The following PLCL2 variants were observed in gnomAD, a reference collection of about 807,000 sequenced individuals.
PLCL2 encodes phospholipase C like 2.
PLCL2 carries 4 observed loss-of-function variants against 79.6 expected under a neutral mutation model. The observed-to-expected ratio is 0.05, with a 90% CI of 0.02 to 0.11. The LOEUF is 0.11. Ranked by LOEUF, PLCL2 falls within the 10% of genes least tolerant of loss-of-function variation. The pLI, the probability that PLCL2 is intolerant of heterozygous loss-of-function variation, is 1.00. For missense variants in PLCL2, 895 were observed against 1,291.0 expected, an observed-to-expected ratio of 0.69 and a Z score of 4.70; for synonymous variants, 484 against 457.7, an observed-to-expected ratio of 1.06 and a Z score of -0.73.
At chr3:16,986,992 G>C (rs1293190688) in intron 1 of PLCL2, among the ~76,000 whole-genome samples, 1 of 151,656 alleles carries the variant, frequency 6.6e-6, no homozygotes, top group East Asian at 1.9e-4. Flanking sequence ...GTATTTTTAA[G>C]AGGAACTAGA....
At chr3:16,971,958 G>A (rs1001723424) in intron 1 of PLCL2, among the ~76,000 whole-genome samples, 1 of 152,020 alleles carries the variant, frequency 6.6e-6, no homozygotes, top group Non-Finnish European at 1.5e-5. Context: ...ATGCAGAAAA[G>A]GCCTTTGACA....
chr3:17,054,686 C>G (rs760880806), intron 4 of PLCL2, among the ~76,000 whole-genome samples: 2 of 152,074 alleles, frequency 1.3e-5, no homozygotes, highest in Non-Finnish European at 2.9e-5. Flanking sequence ...GAGAATGCTA[C>G]CCCCATGATC....
chr3:16,954,044 A>G (rs919767918), intron 1 of PLCL2, among the ~76,000 whole-genome samples: 1 of 152,088 alleles, frequency 6.6e-6, no homozygotes, highest in African/African-American at 2.4e-5. Context: ...TTATTATTAT[A>G]CTTTAAGTTT....
intron 3 of PLCL2, among the ~76,000 whole-genome samples, chr3:17,040,523 G>C (rs958114760): frequency 1.1e-4 from 17 of 152,194 alleles, no homozygotes; most frequent in African/African-American, 3.9e-4. Context: ...GCTAATTTGG[G>C]GCTACCAGAA....
rs532804618 is a variant in PLCL2, at chr3:17,000,137, T to G, written c.328-9537T>G. Among the ~76,000 whole-genome samples the G allele has an allele frequency of 1.1e-3, 163 of 152,138 alleles. 1 individual carries two copies. The highest frequency in any genetic ancestry group is 2.0e-3 in the Non-Finnish European group (138 of 68,016). On this transcript the variant is annotated intron_variant, in intron 1 of 5. Coordinates refer to ENST00000615277, the MANE Select transcript of PLCL2 (RefSeq NM_001144382.2). ...ACTAACATCTAAGTTAGAGATGCCT[T>G]TGTCTTTGAAAGCACAGGTGAATTT... is the stretch of plus-strand genomic sequence containing the variant.
chr3:16,996,254 G>A lies in PLCL2; in HGVS notation c.328-13420G>A, dbSNP rs183244416. Among the ~76,000 whole-genome samples the A allele has an allele frequency of 3.9e-5, 6 of 152,246 alleles. No homozygotes were observed. The East Asian group carries it at 1.2e-3, about 29-fold the overall frequency. ...AGCCATTGTTGCAGGAATGGTTATA[G>A]TGAGAGGAGTGGGCTGCGACTCAGG... On this transcript the variant is annotated intron_variant, in intron 1 of 5. Coordinates refer to ENST00000615277, the MANE Select transcript of PLCL2 (RefSeq NM_001144382.2).
chr3:16,922,909 A>G (rs1025725409), intron 1 of PLCL2, among the ~76,000 whole-genome samples: 9 of 152,152 alleles, frequency 5.9e-5, no homozygotes, highest in Non-Finnish European at 1.3e-4. Flanking sequence ...AATAGTGCAT[A>G]TGAAACCTTG....
chr3:16,954,178 C>T (rs1485021461), intron 1 of PLCL2, among the ~76,000 whole-genome samples: 1 of 152,056 alleles, frequency 6.6e-6, no homozygotes, highest in East Asian at 1.9e-4. Flanking sequence ...CCTCCCCGCT[C>T]CCCCCAGCCC....
At chr3:16,915,693 C>T (rs1242225383) in intron 1 of PLCL2, among the ~76,000 whole-genome samples, 1 of 152,100 alleles carries the variant, frequency 6.6e-6, no homozygotes, top group African/African-American at 2.4e-5. Flanking sequence ...GTTTTTCCTT[C>T]CAAATTCATC....
At chr3:16,986,851 G>A (rs1369138746) in intron 1 of PLCL2, among the ~76,000 whole-genome samples, 1 of 152,086 alleles carries the variant, frequency 6.6e-6, no homozygotes, top group Non-Finnish European at 1.5e-5. Context: ...ACGATAGCCC[G>A]TCAAGTGTAC....
At chr3:16,997,988 T>C (rs2064171031) in intron 1 of PLCL2, among the ~76,000 whole-genome samples, 1 of 152,184 alleles carries the variant, frequency 6.6e-6, no homozygotes, top group Admixed American at 6.5e-5. Context: ...TTTAAAATAA[T>C]TATGGAATTA....
chr3:16,928,146 C>G (rs1417336855), intron 1 of PLCL2, among the ~76,000 whole-genome samples: 1 of 152,166 alleles, frequency 6.6e-6, no homozygotes, highest in Non-Finnish European at 1.5e-5. Context: ...ATGTTAGGCA[C>G]TGGGGAGGCA....
intron 1 of PLCL2, among the ~76,000 whole-genome samples, chr3:16,947,931 C>G (rs1012680715): frequency 6.6e-6 from 1 of 152,120 alleles, no homozygotes; most frequent in Non-Finnish European, 1.5e-5. Context: ...TATAAAATAG[C>G]TCATTTGATT....
Position 16,885,279 on chromosome 3 carries a change from G to T in PLCL2, c.240G>T (p.Ala80=). The T allele has an allele frequency of 1.5e-6, 1 of 661,170 alleles. No individual in the cohort carries two copies. Among genetic ancestry groups the T allele is most frequent in the Non-Finnish European group, 2.7e-6 (1 of 365,794 alleles). The allele number at this position is 661,170 out of a possible 1,614,324, so 41.0% of individuals were successfully genotyped here. Residue 80 remains alanine, a synonymous_variant, in exon 1 of 6, where the codon GCG becomes GCT. Coordinates refer to ENST00000615277, the MANE Select transcript of PLCL2 (RefSeq NM_001144382.2). ...ASPTRGPRGV[A]LAPTPSAVVC... The stretch of plus-strand genomic sequence containing the variant: ...CTACCAGGGGACCCCGCGGCGTTGC[G>T]CTCGCCCCGACCCCCAGCGCGGTCG...
At chr3:16,911,252 CAAAAAAA>C (rs780366754) in intron 1 of PLCL2, among the ~76,000 whole-genome samples, 1 of 55,962 alleles carries the variant, frequency 1.8e-5, no homozygotes, top group East Asian at 5.4e-4. Context: ...GACTCTGTCT[CAAAAAAA>C]AAAAAAAAAA....
intron 1 of PLCL2, among the ~76,000 whole-genome samples, chr3:16,975,331 A>G (rs1199780027): frequency 6.6e-6 from 1 of 152,202 alleles, no homozygotes; most frequent in African/African-American, 2.4e-5. Context: ...TACTCATGGC[A>G]TAGCTCAGTG....
intron 1 of PLCL2, among the ~76,000 whole-genome samples, chr3:16,890,468 TA>T (rs1696320138): frequency 6.6e-6 from 1 of 152,254 alleles, no homozygotes; most frequent in Non-Finnish European, 1.5e-5. Flanking sequence ...CAGGCTTCAA[TA>T]TTCAACAAAA....
rs745763382 is a variant in PLCL2, at chr3:17,010,279, G to A, written c.933G>A (p.Lys311=). The A allele has an allele frequency of 1.9e-6, 3 of 1,614,040 alleles. No homozygotes were observed. The highest frequency in any genetic ancestry group is 1.7e-4 in the Middle Eastern group (1 of 6,058). Residue 311 remains lysine (K), a synonymous_variant, in exon 2 of 6, where the codon AAG becomes AAA. Transcript: ENST00000615277. The surrounding 1 kb of genome is among the most constrained non-coding windows in gnomAD (Gnocchi z 5.8). The stretch of plus-strand genomic sequence containing the variant: ...TAAAAACGAGCAAAATTGAGCTTAA[G>A]TTCAAAGAATTGCATAAATCAAAGG... ...PGLKTSKIEL[K]FKELHKSKDK...
intron 1 of PLCL2, among the ~76,000 whole-genome samples, chr3:16,994,290 A>G (rs568033867): frequency 2.6e-4 from 40 of 152,318 alleles, no homozygotes; most frequent in Non-Finnish European, 4.6e-4. Context: ...GCTTTAGATT[A>G]ATCACTTGAG....
Sources: allele counts gnomAD v4.1 joint callset (sites outside exome capture counted in the v4.1 genomes callset), GRCh38; gene constraint gnomAD v4.1.1; non-coding constraint Gnocchi (gnomAD v3.1); transcripts MANE v1.5; gene names NCBI Gene and HGNC (gene_info 2026-07-23, HGNC 2026-07-21).